The following PRMT8 variants were observed in gnomAD, a reference collection of about 807,000 sequenced individuals.
The protein encoded by PRMT8 is protein arginine methyltransferase 8, also known as protein arginine N-methyltransferase 8.
In PRMT8, 7 loss-of-function variants were observed where a neutral mutation model predicts 47.1. That is an observed-to-expected ratio of 0.15 (90% CI 0.08 to 0.28). The LOEUF is 0.28. Among genes scored for constraint, PRMT8 ranks in the 10% least tolerant of loss-of-function variants. The pLI, the probability that PRMT8 is intolerant of heterozygous loss-of-function variation, is 1.00. For synonymous variants in PRMT8, 188 were observed against 186.5 expected, an observed-to-expected ratio of 1.01 and a Z score of -0.07; for missense variants, 237 against 505.4, an observed-to-expected ratio of 0.47 and a Z score of 5.09.
rs531683101 is a variant in PRMT8 at position 3,491,832 on chromosome 12, CTGTGTGTGTGTGTGTG to C, written c.75+174_75+189del. On this transcript the variant is annotated intron_variant, in intron 1 of 9. Coordinates refer to ENST00000382622, the MANE Select transcript of PRMT8 (RefSeq NM_019854.5). ...CCCGCTCGCTTCTGCCGGCCTCCTC[CTGTGTGTGTGTGTGTG>C]TGTGTGTGTGTGTGTGTGTGTGTGT... The C allele has an allele frequency of 1.5e-3, 807 of 536,328 alleles. 9 individuals carry two copies. Among genetic ancestry groups the C allele is most frequent in the African/African-American group, 6.9e-3 (132 of 19,256 alleles). 33.2% of individuals were successfully genotyped at this position (536,328 alleles called of 1,614,324 possible).
chr12:3,465,122 CAA>C (rs1386915523), intron 1 of PRMT8, among the ~76,000 whole-genome samples: 2 of 44,394 alleles, frequency 4.5e-5, no homozygotes, highest in African/African-American at 2.0e-4. Flanking sequence ...AACTCTGTCT[CAA>C]AAAAAATATA....
In PRMT8 at chr12:3,514,873, C is replaced by T. The variant is rs1196738874; in HGVS notation, c.75+23173C>T. ...GTAACTTCTCCCCTCTTGCCTCCTA[C>T]ATCTAGGGGTCATCCTGGAGCTCCT... On this transcript the variant is annotated intron_variant, in intron 1 of 9. Coordinates refer to ENST00000382622, the MANE Select transcript of PRMT8 (RefSeq NM_019854.5). The surrounding 1 kb of genome is among the most constrained non-coding windows in gnomAD (Gnocchi z 5.9). 1.3e-5 allele frequency among the ~76,000 whole-genome samples: 2 copies of T among 152,204 alleles called. No individual in the cohort carries two copies. Among genetic ancestry groups the T allele is most frequent in the Non-Finnish European group, 2.9e-5 (2 of 68,024 alleles).
chr12:3,383,090 A>G (rs1283613240), intron 1 of PRMT8, among the ~76,000 whole-genome samples: 2 of 152,200 alleles, frequency 1.3e-5, no homozygotes, highest in African/African-American at 2.4e-5. Flanking sequence ...CACCAGTACC[A>G]TCTAGTCTTG....
intron 4 of PRMT8, 145 bp downstream of exon 4, chr12:3,553,859 T>G (rs1866473150): frequency 4.0e-6 from 3 of 741,426 alleles, no homozygotes; most frequent in Non-Finnish European, 6.9e-6. Context: ...CCAGCAAGAC[T>G]GCGGCCATGG....
chr12:3,432,373 C>A (rs113038525), intron 1 of PRMT8, among the ~76,000 whole-genome samples: 212 of 152,344 alleles, frequency 1.4e-3, no homozygotes, highest in Non-Finnish European at 2.4e-3. Flanking sequence ...GAGTAAGACA[C>A]ACGCTCAAGG....
chr12:3,393,628 A>G (rs1393164679), intron 1 of PRMT8, among the ~76,000 whole-genome samples: 2 of 151,418 alleles, frequency 1.3e-5, no homozygotes, highest in African/African-American at 4.9e-5. Context: ...CTTGTAGTAT[A>G]GTTTGAAGTC....
chr12:3,498,538 T>G (rs1865543424), intron 1 of PRMT8, among the ~76,000 whole-genome samples: 1 of 152,154 alleles, frequency 6.6e-6, no homozygotes, highest in Non-Finnish European at 1.5e-5. Flanking sequence ...CCTGACATAA[T>G]TGTGGCAGGG....
At chr12:3,395,408 T>G (rs1403989505) in intron 1 of PRMT8, among the ~76,000 whole-genome samples, 1 of 150,248 alleles carries the variant, frequency 6.7e-6, no homozygotes, top group Non-Finnish European at 1.5e-5. Flanking sequence ...TCTGGTATGT[T>G]GTGTCTTTGT....
chr12:3,534,156 G>A (rs548314441), intron 1 of PRMT8, among the ~76,000 whole-genome samples: 5 of 152,362 alleles, frequency 3.3e-5, no homozygotes, highest in South Asian at 2.1e-4. Context: ...TCTTCCCTCC[G>A]TGGGCCCTCC....
rs187588296 is a variant in PRMT8 at position 3,493,597 on chromosome 12, G to T, written c.75+1897G>T. 5.5e-3 allele frequency among the ~76,000 whole-genome samples: 839 copies of T among 152,226 alleles called. 1 individual carries two copies. The highest frequency in any genetic ancestry group is 0.01 in the Non-Finnish European group (686 of 68,026). On this transcript the variant is annotated intron_variant, in intron 1 of 9. Transcript: ENST00000382622. This position sits in a 1 kb window ranked among gnomAD's most constrained non-coding sequence, Gnocchi z 8.2. ...CTGCCAGGTTCCGCAGTGTGCAGCG[G>T]CGGCTGCTGCGCTCTCCCAGCCTCG...
chr12:3,588,315 A>G (rs568012724), intron 8 of PRMT8, among the ~76,000 whole-genome samples: 2 of 152,332 alleles, frequency 1.3e-5, no homozygotes, highest in Admixed American at 6.5e-5. Flanking sequence ...TTCCAAACTT[A>G]CAGCTAGAAA....
intron 1 of PRMT8, among the ~76,000 whole-genome samples, chr12:3,442,240 CA>C (rs1864810691): frequency 6.6e-6 from 1 of 152,022 alleles, no homozygotes; most frequent in South Asian, 2.1e-4. Flanking sequence ...TCAGAAAATC[CA>C]AAGGCTTGAT....
At chr12:3,496,210 A>ATTTTTTTTTTTTTTTTTTTTTTTT (rs1565423219) in intron 1 of PRMT8, among the ~76,000 whole-genome samples, 1 of 10,568 alleles carries the variant, frequency 9.5e-5, no homozygotes, top group Non-Finnish European at 1.9e-4. Flanking sequence ...ATATATATAT[A>ATTTTTTTTTTTTTTTTTTTTTTTT]TATATTTTTT....
At chr12:3,458,200 G>A (rs1001807332) in intron 1 of PRMT8, among the ~76,000 whole-genome samples, 2 of 152,184 alleles carry the variant, frequency 1.3e-5, no homozygotes, top group African/African-American at 4.8e-5. Context: ...AACTTACTGG[G>A]GCGTGGCGCT....
rs906506485 is a variant in PRMT8 at position 3,492,394 on chromosome 12, T to C, written c.75+694T>C. 4.6e-5 allele frequency among the ~76,000 whole-genome samples: 7 copies of C among 152,032 alleles called. No individual in the cohort carries two copies. Among genetic ancestry groups the C allele is most frequent in the Non-Finnish European group, 8.8e-5 (6 of 67,982 alleles). On this transcript the variant is annotated intron_variant, in intron 1 of 9. Transcript: ENST00000382622. This position sits in a 1 kb window ranked among gnomAD's most constrained non-coding sequence, Gnocchi z 7.5. The stretch of plus-strand genomic sequence containing the variant: ...GCCACCTTCAGCACCAGGGACAGCG[T>C]CCGCCCCTGCAGCAGCCGAGCCTGC...
intron 6 of PRMT8, among the ~76,000 whole-genome samples, chr12:3,571,059 T>G (rs1432177043): frequency 6.6e-6 from 1 of 152,226 alleles, no homozygotes; most frequent in African/African-American, 2.4e-5. Flanking sequence ...CCCACAGACT[T>G]GTCATGAGGA....
chr12:3,522,083 C>G (rs1189946118), intron 1 of PRMT8, among the ~76,000 whole-genome samples: 1 of 152,076 alleles, frequency 6.6e-6, no homozygotes, highest in Non-Finnish European at 1.5e-5. Flanking sequence ...AACTAAAATG[C>G]CTTTGACCAA....
intron 1 of PRMT8, among the ~76,000 whole-genome samples, chr12:3,481,775 G>T (rs1338997980): frequency 6.6e-6 from 1 of 152,166 alleles, no homozygotes; most frequent in Non-Finnish European, 1.5e-5. Flanking sequence ...TTGGACAATT[G>T]TTACATGGTG....
At chr12:3,511,814 GA>G (rs1015283612) in intron 1 of PRMT8, among the ~76,000 whole-genome samples, 3 of 151,994 alleles carry the variant, frequency 2.0e-5, no homozygotes, top group East Asian at 1.9e-4. Context: ...AGCTAAAGGG[GA>G]AAAAAAAGCA....
Sources: gnomAD v4.1 joint callset for allele counts (sites outside exome capture counted in the v4.1 genomes callset) on GRCh38, gnomAD v4.1.1 for gene constraint, Gnocchi (gnomAD v3.1) non-coding constraint, MANE v1.5 for transcripts, NCBI Gene and HGNC (gene_info 2026-07-23, HGNC 2026-07-21) for gene names.